The following NIPBL variants were observed in gnomAD, a reference collection of about 807,000 sequenced individuals.
NIPBL encodes NIPBL cohesin loading factor, also known as nipped-B-like protein.
NIPBL carries 19 observed loss-of-function variants against 321.8 expected under a neutral mutation model. The ratio of observed to expected loss-of-function variants is 0.06; its 90% CI spans 0.04 to 0.09. The LOEUF (loss-of-function observed/expected upper bound fraction) is 0.09, where lower values mean the gene tolerates loss of function less well. Among genes scored for constraint, NIPBL ranks in the 10% least tolerant of loss-of-function variants. NIPBL has a pLI of 1.00. For missense variants in NIPBL, 2,210 were observed against 3,327.0 expected (o/e 0.66, Z 8.26); for synonymous variants, 1,106 against 1,114.1 (o/e 0.99, Z 0.14).
intron 21 of NIPBL, 55 bp downstream of exon 21, chr5:37,010,280 T>C (rs761907243): frequency 7.5e-7 from 1 of 1,325,392 alleles, no homozygotes; most frequent in Non-Finnish European, 1.1e-6. Flanking sequence ...GAAATACCTA[T>C]ATTCTCTGTC....
At chr5:36,965,658 A>T (rs973902991) in intron 6 of NIPBL, among the ~76,000 whole-genome samples, 12 of 152,136 alleles carry the variant, frequency 7.9e-5, no homozygotes, top group African/African-American at 2.7e-4. Flanking sequence ...AAATAGCTGG[A>T]AGAAGATAAT....
chr5:37,013,813 G>A (rs553772209), intron 21 of NIPBL, among the ~76,000 whole-genome samples: 316 of 152,320 alleles, frequency 2.1e-3, no homozygotes, highest in African/African-American at 6.8e-3. Context: ...GTTGGCGGCC[G>A]GGCAGAGGCT....
chr5:36,999,799 C>T (rs1237103101), intron 11 of NIPBL, among the ~76,000 whole-genome samples: 2 of 152,134 alleles, frequency 1.3e-5, no homozygotes, highest in Non-Finnish European at 2.9e-5. Context: ...TACAACTGTA[C>T]AGGTTTTTTC....
chr5:37,010,798 T>C (rs1420799315), intron 21 of NIPBL, among the ~76,000 whole-genome samples: 1 of 152,230 alleles, frequency 6.6e-6, no homozygotes, highest in Non-Finnish European at 1.5e-5. Context: ...AAAACTGCTA[T>C]ACCAGGTTGT....
At chr5:36,968,112 C>A (rs190876) in intron 6 of NIPBL, among the ~76,000 whole-genome samples, 39,902 of 100,938 alleles carry the variant, frequency 0.4, 7,606 homozygotes, top group African/African-American at 0.53. Context: ...AAAAAAAAAA[C>A]AAAAAACAAA....
At chr5:36,987,952 TAAACTA>T (rs1201640362) in intron 10 of NIPBL, among the ~76,000 whole-genome samples, 1 of 152,148 alleles carries the variant, frequency 6.6e-6, no homozygotes, top group East Asian at 1.9e-4. Context: ...CTTATATTTA[TAAACTA>T]AAGAGTATGG....
chr5:36,892,055 A>G (rs1000029013), intron 1 of NIPBL, among the ~76,000 whole-genome samples: 7 of 152,322 alleles, frequency 4.6e-5, no homozygotes, highest in Admixed American at 1.3e-4. Context: ...TCACATTTTA[A>G]AAGGAATGGA....
chr5:37,058,613 T>A (rs933108898), intron 43 of NIPBL, among the ~76,000 whole-genome samples: 2 of 152,218 alleles, frequency 1.3e-5, no homozygotes, highest in Non-Finnish European at 1.5e-5. Context: ...TAACTATCTT[T>A]TATTACTGTC....
intron 1 of NIPBL, among the ~76,000 whole-genome samples, chr5:36,952,597 A>G (rs1054721129): frequency 2.6e-5 from 4 of 152,242 alleles, no homozygotes; most frequent in Admixed American, 2.6e-4. Flanking sequence ...TTGGAACAGA[A>G]TAACAAAGTG....
chr5:36,887,792 A>G (rs891943351), intron 1 of NIPBL, among the ~76,000 whole-genome samples: 26 of 152,168 alleles, frequency 1.7e-4, no homozygotes, highest in African/African-American at 5.8e-4. Flanking sequence ...CCAGCTGTCT[A>G]TCAGGTACCT....
chr5:36,958,900 A>G (rs1264931690), intron 4 of NIPBL, among the ~76,000 whole-genome samples: 1 of 152,108 alleles, frequency 6.6e-6, no homozygotes, highest in Non-Finnish European at 1.5e-5. Flanking sequence ...TTGTTAATTA[A>G]ATAATTGTAT....
chr5:37,057,090 G>C (rs967818074), intron 42 of NIPBL, 96 bp from the exon 43 acceptor site: 22 of 1,163,894 alleles, frequency 1.9e-5, no homozygotes, highest in Non-Finnish European at 2.7e-5. Context: ...AACATTAAGT[G>C]AGGTGAAAGT....
At chr5:36,920,941 A>T (rs544969139) in intron 1 of NIPBL, among the ~76,000 whole-genome samples, 1 of 150,656 alleles carries the variant, frequency 6.6e-6, no homozygotes, top group Non-Finnish European at 1.5e-5. Flanking sequence ...TGCTGTAATT[A>T]TCTTTTGCTT....
chr5:37,005,919 A>G (rs1747376381), intron 16 of NIPBL, among the ~76,000 whole-genome samples: 1 of 152,150 alleles, frequency 6.6e-6, no homozygotes, highest in African/African-American at 2.4e-5. Context: ...ATGATTGTCA[A>G]TTTTAGTACT....
intron 42 of NIPBL, among the ~76,000 whole-genome samples, chr5:37,056,464 T>A (rs1443390855): frequency 2.0e-5 from 3 of 152,092 alleles, no homozygotes; most frequent in African/African-American, 7.2e-5. Context: ...GAATTCTCTA[T>A]TACTTCTTTT....
chr5:37,038,983 T>C (rs887117718), intron 34 of NIPBL, among the ~76,000 whole-genome samples: 1 of 152,194 alleles, frequency 6.6e-6, no homozygotes, highest in Non-Finnish European at 1.5e-5. Flanking sequence ...GTTATAGCTA[T>C]TGTTAAGATC....
intron 1 of NIPBL, among the ~76,000 whole-genome samples, chr5:36,888,115 C>T (rs1746054605): frequency 6.6e-6 from 1 of 152,098 alleles, no homozygotes; most frequent in Non-Finnish European, 1.5e-5. Flanking sequence ...ACAGTTTTCT[C>T]AGATTTAATA....
chr5:37,016,206 AG>A (rs770589457), intron 23 of NIPBL, 36 bp downstream of exon 23: 2 of 1,594,126 alleles, frequency 1.3e-6, no homozygotes, highest in Non-Finnish European at 1.7e-6. Flanking sequence ...TTAGATTACT[AG>A]AAGACAACAT....
intron 10 of NIPBL, among the ~76,000 whole-genome samples, chr5:36,990,301 C>G (rs1265722318): frequency 6.6e-6 from 1 of 152,192 alleles, no homozygotes; most frequent in African/African-American, 2.4e-5. Context: ...ATGCTGATAA[C>G]TATCATCAGC....
Sources: allele counts gnomAD v4.1 joint callset (sites outside exome capture counted in the v4.1 genomes callset), GRCh38; gene constraint gnomAD v4.1.1; transcripts MANE v1.5; gene names NCBI Gene and HGNC (gene_info 2026-07-23, HGNC 2026-07-21).